CIMAP1A: variants seen among roughly 807,000 people sequenced by gnomAD.
CIMAP1A encodes ciliary microtubule associated protein 1A.
chr11:198,613 G>C, the CIMAP1A span: 2 of 1,581,646 alleles, frequency 1.3e-6, no homozygotes, highest in South Asian at 2.3e-5. Context: ...TGAGAACAGA[G>C]AATCACCCCC....
the CIMAP1A span, chr11:197,787 G>A: frequency 1.9e-6 from 3 of 1,607,502 alleles, no homozygotes; most frequent in South Asian, 2.2e-5. Flanking sequence ...TCAGGCTCCT[G>A]CCCTGCGCAG....
chr11:197,685 G>A, the CIMAP1A span: 1 of 1,613,758 alleles, frequency 6.2e-7, no homozygotes, highest in Middle Eastern at 1.6e-4. Flanking sequence ...AGATACTGAG[G>A]ACTGGCAAGG....
chr11:198,750 TGAG>T, the CIMAP1A span: 1 of 1,448,830 alleles, frequency 6.9e-7, no homozygotes, highest in South Asian at 1.5e-5. Flanking sequence ...ACTGCAGTGG[TGAG>T]GAGGGGCAGG....
chr11:198,895 G>GA, the CIMAP1A span: 2 of 1,252,130 alleles, frequency 1.6e-6, no homozygotes, highest in Admixed American at 4.0e-5. Context: ...AGAGGAGGAG[G>GA]AAAAAATAAA....
the CIMAP1A span, chr11:197,880 C>T: frequency 2.7e-6 from 4 of 1,487,840 alleles, no homozygotes; most frequent in South Asian, 1.3e-5. Context: ...CTGGCCCCTC[C>T]CGTCCCATCT....
At chr11:199,002 G>T in the CIMAP1A span, 1 of 1,190,302 alleles carries the variant, frequency 8.4e-7, no homozygotes, top group Non-Finnish European at 1.0e-6. Context: ...GGCCTGAGAT[G>T]GGGAAGCAGC....
the CIMAP1A span, chr11:197,953 C>T: frequency 6.6e-7 from 1 of 1,518,476 alleles, no homozygotes; most frequent in Non-Finnish European, 8.8e-7. Flanking sequence ...GAGTCCAGCT[C>T]CGACCTGGAC....
At chr11:198,586 G>A in the CIMAP1A span, 3 of 1,605,040 alleles carry the variant, frequency 1.9e-6, no homozygotes, top group African/African-American at 4.0e-5. Flanking sequence ...CCTACACAAG[G>A]CAAGGGCCAC....
chr11:197,243 C>A, the CIMAP1A span: 2 of 1,221,868 alleles, frequency 1.6e-6, no homozygotes, highest in Non-Finnish European at 2.3e-6. Flanking sequence ...CAGGGGCCGG[C>A]ATGGGACAGG....
At chr11:199,374 A>G in the CIMAP1A span, 1 of 1,571,122 alleles carries the variant, frequency 6.4e-7, no homozygotes, top group South Asian at 1.2e-5. Context: ...CTCAGACCCC[A>G]GGTCCCGCAG....
At chr11:199,987 TCAAA>T in the CIMAP1A span, 3 of 1,614,098 alleles carry the variant, frequency 1.9e-6, no homozygotes, top group Non-Finnish European at 2.5e-6. Context: ...ACCTTCGGCA[TCAAA>T]CACTCTGATT....
the CIMAP1A span, chr11:199,446 C>T: frequency 1.3e-6 from 2 of 1,566,010 alleles, no homozygotes; most frequent in Non-Finnish European, 1.7e-6. Flanking sequence ...CCATGGCTGC[C>T]CGTGTGGAGC....
the CIMAP1A span, chr11:197,687 C>G: frequency 1.2e-6 from 2 of 1,613,774 alleles, no homozygotes; most frequent in Non-Finnish European, 1.7e-6. Context: ...ATACTGAGGA[C>G]TGGCAAGGAC....
At chr11:197,725 C>T in the CIMAP1A span, 337 of 1,613,644 alleles carry the variant, frequency 2.1e-4, no homozygotes, top group Non-Finnish European at 2.6e-4. Context: ...CATCCTGGGG[C>T]GCTACCAAAC....
chr11:197,232 T>C, the CIMAP1A span: 1 of 1,084,320 alleles, frequency 9.2e-7, no homozygotes, highest in African/African-American at 1.6e-5. Context: ...GTCGGGGACA[T>C]CAGGGGCCGG....
the CIMAP1A span, chr11:197,616 G>A: frequency 2.5e-6 from 4 of 1,613,360 alleles, no homozygotes; most frequent in African/African-American, 1.3e-5. Context: ...GCTTCCGTGG[G>A]GCCCCCATGC....
At chr11:197,151 C>T in the CIMAP1A span, 1 of 531,250 alleles carries the variant, frequency 1.9e-6, no homozygotes. Context: ...CTCCTGGCTC[C>T]CAGCTGGAGA....
the CIMAP1A span, chr11:197,995 T>C: frequency 1.3e-6 from 2 of 1,535,832 alleles, no homozygotes; most frequent in Non-Finnish European, 1.7e-6. Context: ...CAGACCCCAC[T>C]CTCCCTGCTC....
the CIMAP1A span, chr11:198,813 G>C: frequency 2.1e-6 from 3 of 1,404,122 alleles, no homozygotes; most frequent in Non-Finnish European, 2.8e-6. Flanking sequence ...CCGTGCTGAG[G>C]ACAAGAGATG....
Sources: gnomAD v4.1 joint callset for allele counts on GRCh38, gnomAD v4.1.1 for gene constraint, MANE v1.5 for transcripts, NCBI Gene and HGNC (gene_info 2026-07-23, HGNC 2026-07-21) for gene names.